Variants in PLD5 observed in about 807,000 individuals in gnomAD.
The protein encoded by PLD5 is inactive phospholipase D5.
Under a neutral mutation model 61.1 loss-of-function variants are expected in PLD5, and 36 were observed. The ratio of observed to expected loss-of-function variants is 0.59; its 90% CI spans 0.45 to 0.78. PLD5 has a LOEUF of 0.78. Ranked by LOEUF, PLD5 falls within the 30% of genes least tolerant of loss-of-function variation. The pLI, the probability that PLD5 is intolerant of heterozygous loss-of-function variation, is 0.00. For missense variants in PLD5, 515 were observed against 644.4 expected, an observed-to-expected ratio of 0.80 and a Z score of 2.17; for synonymous variants, 243 against 242.8, an observed-to-expected ratio of 1.00 and a Z score of -0.01.
Position 242,326,317 on chromosome 1 carries a change from C to T in PLD5, c.326+21789G>A, listed in dbSNP as rs1001583581. 1.1e-3 allele frequency among the ~76,000 whole-genome samples: 160 copies of T among 151,716 alleles called. 2 individuals carry two copies. The highest frequency in any genetic ancestry group is 3.6e-3 in the African/African-American group (148 of 41,064). On this transcript the variant is annotated intron_variant, in intron 2 of 9. Coordinates refer to ENST00000536534, the MANE Select transcript of PLD5 (RefSeq NM_001372062.1). The stretch of plus-strand genomic sequence containing the variant: ...ATGCATACTAAAGATAAAGGTACTG[C>T]GGCTGCTAAGTATATGCATACTAAA...
intron 1 of PLD5, among the ~76,000 whole-genome samples, chr1:242,415,606 G>A (rs1353229914): frequency 2.0e-5 from 3 of 150,568 alleles, no homozygotes; most frequent in East Asian, 2.0e-4. Context: ...TCCACCTCCC[G>A]GGTTCACACC....
At chr1:242,114,910 C>T (rs1044620040) in intron 6 of PLD5, among the ~76,000 whole-genome samples, 1 of 149,102 alleles carries the variant, frequency 6.7e-6, no homozygotes, top group Non-Finnish European at 1.5e-5. Flanking sequence ...CGGATGGTAG[C>T]CCAAGCCTGT....
intron 5 of PLD5, among the ~76,000 whole-genome samples, chr1:242,126,258 A>G (rs1662774517): frequency 6.6e-6 from 1 of 152,234 alleles, no homozygotes; most frequent in Non-Finnish European, 1.5e-5. Context: ...TACAAATTCA[A>G]TGCAATTCCC....
chr1:242,433,380 T>C (rs1665825072), intron 1 of PLD5, among the ~76,000 whole-genome samples: 1 of 152,188 alleles, frequency 6.6e-6, no homozygotes, highest in African/African-American at 2.4e-5. Context: ...TTTTGTACAA[T>C]CCTGGGAACT....
intron 5 of PLD5, among the ~76,000 whole-genome samples, chr1:242,127,044 A>G (rs371807306): frequency 6.6e-6 from 1 of 152,240 alleles, no homozygotes; most frequent in East Asian, 1.9e-4. Context: ...CAACAAACAT[A>G]TGAAAGAGTG....
At chr1:242,406,319 A>G (rs150355606) in intron 1 of PLD5, among the ~76,000 whole-genome samples, 20 of 152,298 alleles carry the variant, frequency 1.3e-4, no homozygotes, top group African/African-American at 4.8e-4. Context: ...AAACTCCCCT[A>G]TTTCAATCCC....
At chr1:242,278,302 TAAAG>T (rs1044552180) in intron 3 of PLD5, among the ~76,000 whole-genome samples, 2 of 152,116 alleles carry the variant, frequency 1.3e-5, no homozygotes, top group Non-Finnish European at 2.9e-5. Flanking sequence ...AAGACAATCT[TAAAG>T]AAAGTAATTA....
chr1:242,459,919 G>A (rs1165000881), intron 1 of PLD5, among the ~76,000 whole-genome samples: 1 of 152,138 alleles, frequency 6.6e-6, no homozygotes, highest in Non-Finnish European at 1.5e-5. Flanking sequence ...GCTCTTCTAG[G>A]TCTCTTTAGG....
At chr1:242,095,214 C>T (rs763816767) in intron 9 of PLD5, among the ~76,000 whole-genome samples, 23 of 151,712 alleles carry the variant, frequency 1.5e-4, no homozygotes, top group Middle Eastern at 3.2e-3. Context: ...GAATTATAGG[C>T]GTGAGCCATC....
Position 242,113,084 on chromosome 1 carries a change from CTT to C in PLD5, c.1070+804_1070+805del, listed in dbSNP as rs71570931. 8.0e-3 allele frequency among the ~76,000 whole-genome samples: 887 copies of C among 110,552 alleles called. 4 individuals are homozygous for C. Among genetic ancestry groups the C allele is most frequent in the African/African-American group, 0.029 (838 of 28,604 alleles). The allele number at this position is 110,552 out of a possible 152,430, so 72.5% of individuals were successfully genotyped here. A position where few individuals can be genotyped will look rare whatever the true frequency, so the allele number is the denominator to read the frequency against. ...ATTTGAAGTTTCTTTCTCTCTCTCTCTTTTTTTTTTTTTTTTTTTTTTTGAGA... is the reference window on the plus strand; with the variant it reads ...ATTTGAAGTTTCTTTCTCTCTCTCTCTTTTTTTTTTTTTTTTTTTTTGAGA... On this transcript the variant is annotated intron_variant, in intron 7 of 9. Transcript: ENST00000536534.
At chr1:242,129,576 T>C (rs921239850) in intron 5 of PLD5, among the ~76,000 whole-genome samples, 3 of 152,230 alleles carry the variant, frequency 2.0e-5, no homozygotes, top group African/African-American at 7.2e-5. Context: ...GGGTTGCTGA[T>C]GAATTTCTAT....
intron 4 of PLD5, among the ~76,000 whole-genome samples, chr1:242,237,752 T>C (rs894067909): frequency 6.6e-6 from 1 of 152,228 alleles, no homozygotes; most frequent in Non-Finnish European, 1.5e-5. Context: ...CCACCTGCTA[T>C]GGCTCACCTG....
intron 1 of PLD5, among the ~76,000 whole-genome samples, chr1:242,423,432 G>A (rs192450350): frequency 2.0e-5 from 3 of 152,242 alleles, no homozygotes; most frequent in Admixed American, 1.3e-4. Context: ...GGCGAAATAC[G>A]TGAGTTATTA....
intron 5 of PLD5, among the ~76,000 whole-genome samples, chr1:242,133,125 C>G (rs939082968): frequency 7.9e-5 from 12 of 151,978 alleles, no homozygotes; most frequent in African/African-American, 2.9e-4. Context: ...ACCAATCACG[C>G]TGGTCAGGGG....
rs1457832945 is a variant in PLD5, at chr1:242,084,866, T to C, written c.*4988A>G. 1 of 149,184 alleles carries C rather than the reference T, an allele frequency of 6.7e-6. No homozygotes were observed. The highest frequency in any genetic ancestry group is 2.5e-5 in the African/African-American group (1 of 40,764). The allele number at this position is 149,184 out of a possible 1,614,324, so 9.2% of individuals were successfully genotyped here. On this transcript the variant is annotated 3_prime_UTR_variant, in exon 10 of 10. Transcript: ENST00000536534. ...GCCCATTGGACCAGTCGCATCTACCTTCTTCATAATTTACCACAGTACAGC... is the reference window on the plus strand; with the variant it reads ...GCCCATTGGACCAGTCGCATCTACCCTCTTCATAATTTACCACAGTACAGC...
chr1:242,524,346 G>C lies in PLD5; in HGVS notation c.-70C>G. The C allele has an allele frequency of 7.6e-7, 1 of 1,323,832 alleles. No homozygotes were observed. The highest frequency in any genetic ancestry group is 1.9e-5 in the South Asian group (1 of 53,458). 82.0% of individuals were successfully genotyped at this position (1,323,832 alleles called of 1,614,324 possible). Reference sequence around the variant, plus strand: ...GGGCGCGCGGGGAGCCGGGCGCGGAGGGCGAGCGGGAGGCCCAGCGGGAGC... The same window carrying C: ...GGGCGCGCGGGGAGCCGGGCGCGGACGGCGAGCGGGAGGCCCAGCGGGAGC... On this transcript the variant is annotated 5_prime_UTR_variant, in exon 1 of 10. Transcript: ENST00000536534.
chr1:242,309,516 G>C (rs541581942), intron 2 of PLD5, among the ~76,000 whole-genome samples: 1 of 151,860 alleles, frequency 6.6e-6, no homozygotes, highest in Non-Finnish European at 1.5e-5. Context: ...TGGGATTACA[G>C]GTGCATGCCA....
intron 1 of PLD5, among the ~76,000 whole-genome samples, chr1:242,375,086 C>A (rs892538280): frequency 6.6e-6 from 1 of 152,174 alleles, no homozygotes; most frequent in Non-Finnish European, 1.5e-5. Context: ...TCTATCCTAA[C>A]CCTCTCTCTT....
chr1:242,498,403 T>C (rs1248970476), intron 1 of PLD5, among the ~76,000 whole-genome samples: 2 of 152,232 alleles, frequency 1.3e-5, no homozygotes, highest in Non-Finnish European at 2.9e-5. Context: ...GAGTATCTCC[T>C]TCTTCTCATT....
Sources: allele counts gnomAD v4.1 joint callset (sites outside exome capture counted in the v4.1 genomes callset), GRCh38; gene constraint gnomAD v4.1.1; transcripts MANE v1.5; gene names NCBI Gene and HGNC (gene_info 2026-07-23, HGNC 2026-07-21).